Variants in PARP10 observed in about 807,000 individuals in gnomAD.
PARP10 encodes the protein poly(ADP-ribose) polymerase family member 10.
PARP10 carries 56 observed loss-of-function variants against 82.4 expected under a neutral mutation model. The ratio of observed to expected loss-of-function variants is 0.68; its 90% CI spans 0.55 to 0.85. The LOEUF is 0.85. Among genes scored for constraint, PARP10 ranks in the 40% least tolerant of loss-of-function variants. The pLI, the probability that PARP10 is intolerant of heterozygous loss-of-function variation, is 0.00. For synonymous variants in PARP10, 576 were observed against 601.1 expected (o/e 0.96, Z 0.61); for missense variants, 1,227 against 1,379.4 (o/e 0.89, Z 1.75).
chr8:144,010,704 A>T (rs1554752408), intron 1 of PARP10, among the ~76,000 whole-genome samples: 6 of 152,000 alleles, frequency 3.9e-5, no homozygotes. Context: ...GTAAGACCCC[A>T]TGTCTACAAA....
chr8:143,978,233 G>T, intron 9 of PARP10, 152 bp from the exon 10 acceptor site: 1 of 910,140 alleles, frequency 1.1e-6, no homozygotes, highest in Non-Finnish European at 1.6e-6. Context: ...CTGTCCAGCA[G>T]CAGACAGTAA....
At chr8:144,012,614 G>T in exon 1 of PARP10, 2 of 1,551,750 alleles carry the variant, frequency 1.3e-6, no homozygotes, top group Non-Finnish European at 1.7e-6. Context: ...TCATTCGGGA[G>T]AATCACGAGC....
At chr8:144,010,020 C>T (rs1834263187) in intron 1 of PARP10, among the ~76,000 whole-genome samples, 1 of 152,168 alleles carries the variant, frequency 6.6e-6, no homozygotes, top group Non-Finnish European at 1.5e-5. Context: ...CAATCAAGAT[C>T]ACAGCCACAG....
At position 143,983,083 on chromosome 8, in the gene PARP10, G is replaced by C. The variant is rs376251962; in HGVS notation, c.2423-18C>G. 2.4e-5 allele frequency: 39 copies of C among 1,613,804 alleles called. No homozygotes were observed. Among genetic ancestry groups the C allele is most frequent in the Non-Finnish European group, 3.1e-5 (36 of 1,179,994 alleles). ...CCCCGCCACTGATGCATGGGGAAAA[G>C]CGGGGGGTCAGAGCCATGCCTGGGG... On this transcript the variant is annotated intron_variant, in intron 8 of 10. Coordinates refer to ENST00000313028, the MANE Select transcript of PARP10 (RefSeq NM_032789.5).
At position 143,983,321 on chromosome 8, in the gene PARP10, C is replaced by A. The variant is rs1365324667; in HGVS notation, c.2268G>T (p.Arg756=). ...GCAGGGCAACACTCACACCATGGCA[C>A]CGCTCCAGGCGAGCACGCAGCTCTG... ...LPAELRARLE[R]CHGVSVALRG... The change falls in exon 8 of 11, where the codon CGG becomes CGT. Residue 756 remains arginine (R), a synonymous_variant. Transcript: ENST00000313028. 9.9e-6 allele frequency: 16 copies of A among 1,611,820 alleles called. No homozygotes were observed. Among genetic ancestry groups the A allele is most frequent in the Non-Finnish European group, 1.1e-5 (13 of 1,179,588 alleles).
At chr8:143,992,590 C>T (rs782198322), upstream of PARP10, 23 of 1,614,012 alleles carry the variant, frequency 1.4e-5, no homozygotes, top group Admixed American at 8.3e-5. Context: ...CCTCACTGGG[C>T]GCTCTGCTCT....
In PARP10 at chr8:143,985,400, A is replaced by G. The variant is rs1554749041; in HGVS notation, c.673+12T>C. 1.9e-6 allele frequency: 3 copies of G among 1,605,154 alleles called. No homozygotes were observed. The highest frequency in any genetic ancestry group is 2.2e-5 in the South Asian group (2 of 90,048). ...GAGGGACGGTCGGCTGGGTCTGCCC[A>G]GCCCCACTCACCTTGCCACTGCTGG... On this transcript the variant is annotated intron_variant, in intron 4 of 10. Transcript: ENST00000313028.
At chr8:144,009,006 G>T (rs1024772906) in intron 1 of PARP10, among the ~76,000 whole-genome samples, 3 of 152,152 alleles carry the variant, frequency 2.0e-5, no homozygotes, top group African/African-American at 7.2e-5. Context: ...GGCCTCTACT[G>T]TGCACTGTGA....
chr8:144,005,736 G>A (rs1282567262), intron 1 of PARP10, among the ~76,000 whole-genome samples: 2 of 152,026 alleles, frequency 1.3e-5, no homozygotes, highest in Non-Finnish European at 2.9e-5. Context: ...GTCTGCACTG[G>A]CTGTCCCCTC....
chr8:144,008,132 C>T lies in PARP10; in HGVS notation c.-80+4398G>A, dbSNP rs1554752199. ...CAGACCCGGAGGTTCAACATGGCCA[C>T]GGCAGGCAGGATTGAAATGTTCGCA... On this transcript the variant is annotated intron_variant, in intron 1 of 3. Coordinates refer to the PARP10 transcript ENST00000530478. This position sits in a 1 kb window ranked among gnomAD's most constrained non-coding sequence, Gnocchi z 4.0. 6.6e-6 allele frequency among the ~76,000 whole-genome samples: 1 copy of T among 152,126 alleles called. No individual in the cohort carries two copies. The highest frequency in any genetic ancestry group is 1.5e-5 in the Non-Finnish European group (1 of 68,030).
chr8:143,991,200 G>C (rs1466225875), upstream of PARP10: 1 of 1,535,770 alleles, frequency 6.5e-7, no homozygotes. Context: ...TCTTCTCTAG[G>C]GGCGGACCGC....
In PARP10 at chr8:144,012,518, G is replaced by T. The variant is rs1021945754; in HGVS notation, c.-80+12C>A. The T allele has an allele frequency of 9.7e-6, 15 of 1,551,648 alleles. No homozygotes were observed. In the East Asian group the frequency reaches 3.7e-4, roughly 38 times the overall value. The stretch of plus-strand genomic sequence containing the variant: ...CACCCTTGCCACTGCCCCAGGGCAT[G>T]TCTCTACTCACCAATTATGAAGGGC... On this transcript the variant is annotated intron_variant, in intron 1 of 3. Coordinates refer to the PARP10 transcript ENST00000530478.
chr8:143,991,945 C>G, upstream of PARP10: 1 of 1,613,632 alleles, frequency 6.2e-7, no homozygotes, highest in Non-Finnish European at 8.5e-7. Context: ...ACTTTTGTTG[C>G]GGAGGTGAAG....
chr8:144,004,821 A>G (rs555940515), intron 1 of PARP10, among the ~76,000 whole-genome samples: 4 of 152,328 alleles, frequency 2.6e-5, no homozygotes, highest in East Asian at 1.9e-4. Context: ...GTCCCAGAGC[A>G]GGAACAAGGC....
At chr8:143,986,488 AGCAGCTGG>A, upstream of PARP10, 1 of 1,487,614 alleles carries the variant, frequency 6.7e-7, no homozygotes, top group Non-Finnish European at 9.3e-7. Flanking sequence ...GGAGGGAGGG[AGCAGCTGG>A]GCCCTGGGCG....
At chr8:144,000,740 A>G (rs1291364972) in intron 1 of PARP10, among the ~76,000 whole-genome samples, 1 of 152,168 alleles carries the variant, frequency 6.6e-6, no homozygotes, top group African/African-American at 2.4e-5. Flanking sequence ...CATATATGTA[A>G]AAAAGCAAAA....
intron 9 of PARP10, among the ~76,000 whole-genome samples, chr8:143,981,361 G>A (rs957066082): frequency 8.1e-6 from 1 of 123,382 alleles, no homozygotes; most frequent in African/African-American, 3.0e-5. Context: ...GGTGATGATG[G>A]TGGTGACGAC....
chr8:143,996,310 C>G (rs1277503804), intron 1 of PARP10, among the ~76,000 whole-genome samples: 2 of 152,230 alleles, frequency 1.3e-5, no homozygotes, highest in African/African-American at 4.8e-5. Context: ...CACTTGATTT[C>G]AAGATTAAAC....
chr8:144,003,428 C>CAAAA (rs782496305), intron 1 of PARP10, among the ~76,000 whole-genome samples: 1 of 56,094 alleles, frequency 1.8e-5, no homozygotes, highest in Admixed American at 1.7e-4. Flanking sequence ...AACTCTGTCT[C>CAAAA]AAAAAAAAAA....
Sources: allele counts gnomAD v4.1 joint callset (sites outside exome capture counted in the v4.1 genomes callset), GRCh38; gene constraint gnomAD v4.1.1; non-coding constraint Gnocchi (gnomAD v3.1); transcripts MANE v1.5; gene names NCBI Gene and HGNC (gene_info 2026-07-23, HGNC 2026-07-21).